PCDH7: variants seen among roughly 807,000 people sequenced by gnomAD.
PCDH7 encodes the protein protocadherin 7.
PCDH7 carries 17 observed loss-of-function variants against 58.9 expected under a neutral mutation model. The ratio of observed to expected loss-of-function variants is 0.29; its 90% CI spans 0.20 to 0.43. The LOEUF (loss-of-function observed/expected upper bound fraction) is 0.43. Among genes scored for constraint, PCDH7 ranks in the 20% least tolerant of loss-of-function variants. The probability of loss-of-function intolerance (pLI) is 1.00; values close to 1 mark genes in which losing one functional copy is unlikely to be tolerated. For missense variants in PCDH7, 1,274 were observed against 1,441.0 expected (o/e 0.88, Z 1.88); for synonymous variants, 664 against 616.4 (o/e 1.08, Z -1.14).
chr4:31,140,478 A>G (rs1355618632), intron 3 of PCDH7, among the ~76,000 whole-genome samples: 1 of 151,956 alleles, frequency 6.6e-6, no homozygotes, highest in African/African-American at 2.4e-5. Context: ...TCATAAGAAA[A>G]GAGGAGCAAT....
chr4:31,122,246 T>C (rs1249459342), intron 3 of PCDH7, among the ~76,000 whole-genome samples: 1 of 152,184 alleles, frequency 6.6e-6, no homozygotes, highest in Non-Finnish European at 1.5e-5. Flanking sequence ...GGAAGCCATG[T>C]AGGTATATCA....
intron 1 of PCDH7, among the ~76,000 whole-genome samples, chr4:30,755,789 A>C (rs568234647): frequency 3.6e-4 from 55 of 152,160 alleles, no homozygotes; most frequent in African/African-American, 1.3e-3. Context: ...CTGCATTAAA[A>C]CATGGTGGAG....
At chr4:30,728,277 GTATATATA>G (rs201692269) in intron 1 of PCDH7, among the ~76,000 whole-genome samples, 27 of 139,722 alleles carry the variant, frequency 1.9e-4, no homozygotes, top group African/African-American at 6.0e-4. Context: ...ACATACATAT[GTATATATA>G]TATATATATA....
At chr4:31,004,517 C>T (rs1349594908) in intron 3 of PCDH7, among the ~76,000 whole-genome samples, 1 of 152,000 alleles carries the variant, frequency 6.6e-6, no homozygotes, top group Non-Finnish European at 1.5e-5. Context: ...CAAGACCAGC[C>T]TGGCCGACAT....
intron 1 of PCDH7, among the ~76,000 whole-genome samples, chr4:30,834,244 A>C (rs896004109): frequency 6.6e-6 from 1 of 152,142 alleles, no homozygotes; most frequent in Non-Finnish European, 1.5e-5. Flanking sequence ...CACTTGGTTT[A>C]ATGGTTTGCT....
At chr4:30,913,546 T>G (rs1456640403) in intron 1 of PCDH7, among the ~76,000 whole-genome samples, 1 of 152,168 alleles carries the variant, frequency 6.6e-6, no homozygotes, top group Non-Finnish European at 1.5e-5. Context: ...TTGAGAGCTT[T>G]TCATGTCATC....
chr4:31,024,604 T>C (rs1754278871), intron 3 of PCDH7, among the ~76,000 whole-genome samples: 1 of 152,232 alleles, frequency 6.6e-6, no homozygotes, highest in Non-Finnish European at 1.5e-5. Context: ...ATCACATTTA[T>C]TTTTCACTTC....
chr4:31,120,484 T>C (rs149608838), intron 3 of PCDH7, among the ~76,000 whole-genome samples: 251 of 150,988 alleles, frequency 1.7e-3, no homozygotes, highest in African/African-American at 5.7e-3. Context: ...ACATCTCCTG[T>C]ATGTTCACTG....
chr4:30,981,473 AT>A (rs965544352), intron 3 of PCDH7, among the ~76,000 whole-genome samples: 118 of 152,352 alleles, frequency 7.7e-4, no homozygotes, highest in African/African-American at 2.7e-3. Context: ...GCATGAAAAA[AT>A]ATCATGATTT....
intron 3 of PCDH7, among the ~76,000 whole-genome samples, chr4:31,059,352 C>G (rs1052154789): frequency 6.6e-6 from 1 of 151,868 alleles, no homozygotes; most frequent in Admixed American, 6.6e-5. Flanking sequence ...AATAACACTT[C>G]TGGCAACAAT....
At chr4:31,022,585 A>T (rs28589887) in intron 3 of PCDH7, among the ~76,000 whole-genome samples, 51,408 of 151,744 alleles carry the variant, frequency 0.34, 11,296 homozygotes, top group African/African-American at 0.61. Flanking sequence ...TGTCAAAAAG[A>T]GATTTTAACC....
chr4:30,841,902 T>G (rs1030527240), intron 1 of PCDH7, among the ~76,000 whole-genome samples: 2 of 152,094 alleles, frequency 1.3e-5, no homozygotes, highest in Admixed American at 1.3e-4. Context: ...AGACAGATAA[T>G]CCTCTGGTTT....
At chr4:31,096,584 T>C (rs1348878737) in intron 3 of PCDH7, among the ~76,000 whole-genome samples, 1 of 152,122 alleles carries the variant, frequency 6.6e-6, no homozygotes, top group Non-Finnish European at 1.5e-5. Context: ...ATGTCTAGAG[T>C]TTAAAAACAA....
chr4:31,085,837 T>TTCTCTC (rs376691150), intron 3 of PCDH7, among the ~76,000 whole-genome samples: 8 of 145,452 alleles, frequency 5.5e-5, no homozygotes, highest in Non-Finnish European at 9.0e-5. Context: ...TCAGACTCTT[T>TTCTCTC]TCTCTCTCTC....
chr4:31,116,077 C>T (rs1339035622), intron 3 of PCDH7, among the ~76,000 whole-genome samples: 1 of 152,182 alleles, frequency 6.6e-6, no homozygotes, highest in Non-Finnish European at 1.5e-5. Flanking sequence ...TTCTACAAGA[C>T]TCCACCTGGT....
At chr4:30,773,952 A>G (rs1721742307) in intron 1 of PCDH7, among the ~76,000 whole-genome samples, 1 of 152,194 alleles carries the variant, frequency 6.6e-6, no homozygotes, top group African/African-American at 2.4e-5. Context: ...GGGCCATCCC[A>G]TATTCCATTT....
chr4:31,080,280 GT>G (rs34678462), intron 3 of PCDH7, among the ~76,000 whole-genome samples: 79,269 of 150,712 alleles, frequency 0.53, 22,573 homozygotes, highest in East Asian at 0.78. Flanking sequence ...TGTTTAGAAA[GT>G]TTTTTTTTTA....
At chr4:31,104,911 C>T (rs1715355811) in intron 3 of PCDH7, among the ~76,000 whole-genome samples, 1 of 152,098 alleles carries the variant, frequency 6.6e-6, no homozygotes, top group Non-Finnish European at 1.5e-5. Context: ...TAAAATTTGG[C>T]TGGTATAGGT....
intron 1 of PCDH7, among the ~76,000 whole-genome samples, chr4:30,797,646 A>G (rs2109303704): frequency 6.6e-6 from 1 of 152,290 alleles, no homozygotes; most frequent in Admixed American, 6.5e-5. Flanking sequence ...TTATCACACC[A>G]TAATGTCTTC....
Sources: allele counts gnomAD v4.1 joint callset (sites outside exome capture counted in the v4.1 genomes callset), GRCh38; gene constraint gnomAD v4.1.1; transcripts MANE v1.5; gene names NCBI Gene and HGNC (gene_info 2026-07-23, HGNC 2026-07-21).